Variants in DDX10 observed in about 807,000 individuals in gnomAD.
DDX10 encodes the protein DEAD-box helicase 10.
A neutral mutation model predicts 104.3 loss-of-function variants in DDX10; 74 were observed. That is an observed-to-expected ratio of 0.71 (90% CI 0.59 to 0.86). The LOEUF is 0.86. Among genes scored for constraint, DDX10 ranks in the 40% least tolerant of loss-of-function variants. The pLI is 0.00. For missense variants in DDX10, 952 were observed against 1,040.0 expected (o/e 0.92, Z 1.16); for synonymous variants, 351 against 353.4 (o/e 0.99, Z 0.08).
intron 13 of DDX10, among the ~76,000 whole-genome samples, chr11:108,802,010 G>GGGGTGTGT (rs1555026955): frequency 2.8e-5 from 4 of 142,062 alleles, no homozygotes; most frequent in African/African-American, 5.1e-5. Context: ...AAGTGAGTGG[G>GGGGTGTGT]GTGTGTGTGT....
intron 13 of DDX10, among the ~76,000 whole-genome samples, chr11:108,779,664 A>C (rs940391620): frequency 6.6e-6 from 1 of 152,172 alleles, no homozygotes; most frequent in Non-Finnish European, 1.5e-5. Context: ...AACTTAAAGT[A>C]AAATAAAAAA....
chr11:108,793,117 G>A (rs1219397730), intron 13 of DDX10, among the ~76,000 whole-genome samples: 1 of 152,122 alleles, frequency 6.6e-6, no homozygotes. Context: ...AATAGCAAGG[G>A]GTCTAGAGGG....
intron 13 of DDX10, among the ~76,000 whole-genome samples, chr11:108,769,900 G>A (rs1388815923): frequency 6.6e-6 from 1 of 152,060 alleles, no homozygotes; most frequent in Non-Finnish European, 1.5e-5. Flanking sequence ...CTCATAACAT[G>A]CTAACATAAA....
At chr11:108,763,844 G>C (rs1565271143) in intron 13 of DDX10, among the ~76,000 whole-genome samples, 1 of 152,126 alleles carries the variant, frequency 6.6e-6, no homozygotes, top group African/African-American at 2.4e-5. Flanking sequence ...GCATTAAATA[G>C]TTCAAGCTTA....
intron 13 of DDX10, among the ~76,000 whole-genome samples, chr11:108,769,809 G>T (rs1364654224): frequency 6.6e-6 from 1 of 151,936 alleles, no homozygotes; most frequent in Non-Finnish European, 1.5e-5. Context: ...TTGTTTCTGT[G>T]GGTTATACCT....
intron 6 of DDX10, among the ~76,000 whole-genome samples, chr11:108,686,627 A>G (rs868553174): frequency 3.3e-5 from 5 of 152,274 alleles, no homozygotes; most frequent in African/African-American, 1.2e-4. Flanking sequence ...ACCACAGTTT[A>G]TTTATCCATT....
intron 13 of DDX10, among the ~76,000 whole-genome samples, chr11:108,788,735 T>G (rs1861830084): frequency 6.6e-6 from 1 of 152,262 alleles, no homozygotes; most frequent in Admixed American, 6.5e-5. Context: ...TATTTTGGGC[T>G]GCAATCCAGT....
At chr11:108,930,419 A>T (rs920684883) in intron 17 of DDX10, among the ~76,000 whole-genome samples, 1 of 152,172 alleles carries the variant, frequency 6.6e-6, no homozygotes, top group African/African-American at 2.4e-5. Context: ...GGCTGCTTCC[A>T]AGTTTTGGCA....
intron 13 of DDX10, among the ~76,000 whole-genome samples, chr11:108,734,606 G>A (rs962596795): frequency 2.0e-5 from 3 of 152,060 alleles, no homozygotes; most frequent in Non-Finnish European, 2.9e-5. Flanking sequence ...ATATTGAGTC[G>A]TTTTCCTTTA....
rs755950509 is a variant in DDX10 at position 108,719,811 on chromosome 11, T to C, written c.1425T>C (p.Tyr475=). The change falls in exon 12 of 18, where the codon TAT becomes TAC. Residue 475 remains tyrosine (Y), a synonymous_variant. Coordinates refer to ENST00000322536, the MANE Select transcript of DDX10 (RefSeq NM_004398.4). Reference sequence around the variant, plus strand: ...TTAATTTACAGTGTTTCGTCTCCTATGTACGATCTGTATATCTGATGAAGG... The same window carrying C: ...TTAATTTACAGTGTTTCGTCTCCTACGTACGATCTGTATATCTGATGAAGG... The part of the protein sequence containing the change: ...KERAQRCFVS[Y]VRSVYLMKDK... 3.1e-6 allele frequency: 5 copies of C among 1,602,436 alleles called. No homozygotes were observed. Among genetic ancestry groups the C allele is most frequent in the Non-Finnish European group, 3.4e-6 (4 of 1,169,650 alleles).
intron 13 of DDX10, among the ~76,000 whole-genome samples, chr11:108,794,744 T>C (rs1274601660): frequency 6.6e-6 from 1 of 152,156 alleles, no homozygotes; most frequent in Non-Finnish European, 1.5e-5. Context: ...TTTTTATATG[T>C]AGCTTGGTTC....
chr11:108,815,488 T>A (rs1218783803), intron 13 of DDX10, among the ~76,000 whole-genome samples: 2 of 152,200 alleles, frequency 1.3e-5, no homozygotes, highest in African/African-American at 4.8e-5. Context: ...AGATTCCGTA[T>A]GATTTGGTTT....
chr11:108,789,403 A>G (rs1166288107), intron 13 of DDX10, among the ~76,000 whole-genome samples: 1 of 152,234 alleles, frequency 6.6e-6, no homozygotes, highest in African/African-American at 2.4e-5. Context: ...CTCGTGAAAG[A>G]TGTGTGCATA....
At chr11:108,698,908 C>T (rs1439750538) in intron 9 of DDX10, among the ~76,000 whole-genome samples, 1 of 152,206 alleles carries the variant, frequency 6.6e-6, no homozygotes, top group Non-Finnish European at 1.5e-5. Flanking sequence ...GGCCTTTATA[C>T]TGGTGCTGTC....
At position 108,689,141 on chromosome 11, in the gene DDX10, A is replaced by G. The variant is rs1565247755; in HGVS notation, c.975+79A>G. The G allele has an allele frequency of 4.1e-6, 6 of 1,465,540 alleles. No homozygotes were observed. The East Asian group carries it at 6.8e-5, about 17-fold the overall frequency. The allele number at this position is 1,465,540 out of a possible 1,614,324, so 90.8% of individuals were successfully genotyped here. The stretch of plus-strand genomic sequence containing the variant: ...TGGCAAATCAATTAGACAAATTATT[A>G]TATTGTACGAGAAGTACAGTGCTAG... On this transcript the variant is annotated intron_variant, in intron 7 of 17. Transcript: ENST00000322536.
At chr11:108,808,006 A>G (rs1862123675) in intron 13 of DDX10, among the ~76,000 whole-genome samples, 1 of 152,182 alleles carries the variant, frequency 6.6e-6, no homozygotes, top group Non-Finnish European at 1.5e-5. Context: ...ACGTCAGGTA[A>G]CACAGTTTCA....
chr11:108,775,063 C>T (rs757980252), intron 13 of DDX10, among the ~76,000 whole-genome samples: 11 of 152,138 alleles, frequency 7.2e-5, no homozygotes, highest in South Asian at 2.1e-4. Context: ...CACGGTGAAA[C>T]GTTTTCAAAA....
intron 13 of DDX10, among the ~76,000 whole-genome samples, chr11:108,832,961 A>C (rs551807359): frequency 1.3e-5 from 2 of 152,358 alleles, no homozygotes; most frequent in African/African-American, 4.8e-5. Flanking sequence ...GATCCTTAGG[A>C]GAGAAACCGA....
chr11:108,742,990 A>G (rs2094327105), intron 13 of DDX10, among the ~76,000 whole-genome samples: 1 of 152,208 alleles, frequency 6.6e-6, no homozygotes, highest in Admixed American at 6.5e-5. Flanking sequence ...TACTGAAACT[A>G]TTCCAAAAAA....
Sources: allele counts gnomAD v4.1 joint callset (sites outside exome capture counted in the v4.1 genomes callset), GRCh38; gene constraint gnomAD v4.1.1; transcripts MANE v1.5; gene names NCBI Gene and HGNC (gene_info 2026-07-23, HGNC 2026-07-21).